Variants in MAPKAPK5 observed in about 807,000 individuals in gnomAD.
MAPKAPK5 encodes the protein MAPK activated protein kinase 5, also known as MAP kinase-activated protein kinase 5.
MAPKAPK5 carries 30 observed loss-of-function variants against 65.1 expected under a neutral mutation model. The ratio of observed to expected loss-of-function variants is 0.46; its 90% CI spans 0.34 to 0.63. MAPKAPK5 has a LOEUF of 0.63. Ranked by LOEUF, MAPKAPK5 falls within the 20% of genes least tolerant of loss-of-function variation. The probability of loss-of-function intolerance (pLI) is 0.01; values close to 1 mark genes in which losing one functional copy is unlikely to be tolerated. For synonymous variants in MAPKAPK5, 179 were observed against 204.6 expected (o/e 0.87, Z 1.07); for missense variants, 433 against 581.4 (o/e 0.74, Z 2.63).
In MAPKAPK5 at chr12:111,885,993, C is replaced by T. The variant is rs1161223991; in HGVS notation, c.926C>T (p.Ala309Val). 8.7e-6 allele frequency: 14 copies of T among 1,613,790 alleles called. No individual in the cohort carries two copies. The highest frequency in any genetic ancestry group is 1.2e-5 in the Non-Finnish European group (14 of 1,179,878). Reference sequence around the variant, plus strand: ...CACCCCTGGCTCAATTCCACCGAGGCCCTGGATAATGTGCTGCCTTCTGCT... The same window carrying T: ...CACCCCTGGCTCAATTCCACCGAGGTCCTGGATAATGTGCTGCCTTCTGCT... ...LDHPWLNSTEALDNVLPSAQL... is the reference protein window; with the variant it reads ...LDHPWLNSTEVLDNVLPSAQL... Residue 309 changes from alanine to valine, a missense_variant, in exon 10 of 14, where the codon GCC (alanine) becomes GTC (valine). Ala to Val is a moderately conservative substitution (Grantham distance 64). Coordinates refer to ENST00000550735, the MANE Select transcript of MAPKAPK5 (RefSeq NM_003668.4).
intron 1 of MAPKAPK5, among the ~76,000 whole-genome samples, chr12:111,847,382 C>T (rs1201676935): frequency 6.6e-6 from 1 of 151,118 alleles, no homozygotes; most frequent in African/African-American, 2.4e-5. Context: ...GGTCAAATGG[C>T]TGTAAGTGGA....
chr12:111,847,273 G>A (rs774138862), intron 1 of MAPKAPK5, among the ~76,000 whole-genome samples: 6 of 151,694 alleles, frequency 4.0e-5, no homozygotes, highest in Non-Finnish European at 7.4e-5. Context: ...ACTTGAACAC[G>A]GGAGGTGGAA....
chr12:111,868,924 TGGG>T, intron 5 of MAPKAPK5, 63 bp downstream of exon 5: 1 of 1,225,720 alleles, frequency 8.2e-7, no homozygotes, highest in Non-Finnish European at 1.2e-6. Flanking sequence ...ACAATTTCAT[TGGG>T]GGGAAGAAAA....
At chr12:111,850,630 A>G (rs1165165022) in intron 1 of MAPKAPK5, among the ~76,000 whole-genome samples, 1 of 152,186 alleles carries the variant, frequency 6.6e-6, no homozygotes, top group Non-Finnish European at 1.5e-5. Flanking sequence ...ATCTGCTTGA[A>G]TGGGTTTTTA....
intron 7 of MAPKAPK5, among the ~76,000 whole-genome samples, chr12:111,878,847 G>T (rs2070090380): frequency 6.6e-6 from 1 of 152,086 alleles, no homozygotes; most frequent in Admixed American, 6.6e-5. Flanking sequence ...TTTATTTTTG[G>T]ACTCTTTATT....
chr12:111,875,514 T>G (rs2069934723), intron 7 of MAPKAPK5, among the ~76,000 whole-genome samples: 1 of 152,178 alleles, frequency 6.6e-6, no homozygotes. Flanking sequence ...AATAGATTGC[T>G]GTCAGTTACT....
At chr12:111,874,113 A>G (rs1466710820) in intron 7 of MAPKAPK5, among the ~76,000 whole-genome samples, 1 of 152,156 alleles carries the variant, frequency 6.6e-6, no homozygotes, top group African/African-American at 2.4e-5. Context: ...AAAACATTTC[A>G]GCTGGGCGTG....
intron 7 of MAPKAPK5, 55 bp downstream of exon 7, chr12:111,871,235 G>A (rs559498841): frequency 2.1e-5 from 30 of 1,435,482 alleles, no homozygotes; most frequent in African/African-American, 1.3e-4. Context: ...CCATCAACTC[G>A]TGTTCCTTCT....
In MAPKAPK5 at chr12:111,894,508, G is replaced by A. The variant is rs1221281196; in HGVS notation, c.*1447G>A. 1.3e-5 allele frequency: 2 copies of A among 151,740 alleles called. No individual in the cohort carries two copies. Among genetic ancestry groups the A allele is most frequent in the African/African-American group, 2.4e-5 (1 of 41,272 alleles). 9.4% of individuals were successfully genotyped at this position (151,740 alleles called of 1,614,324 possible). A position where few individuals can be genotyped will look rare whatever the true frequency, so the allele number is the denominator to read the frequency against. ...AAATTTACATATAATTAATTGAAGT[G>A]GGACTATTGGATTATCATGTAAGAT... On this transcript the variant is annotated 3_prime_UTR_variant, in exon 14 of 14. Transcript: ENST00000550735.
intron 8 of MAPKAPK5, among the ~76,000 whole-genome samples, chr12:111,881,508 A>C (rs2070227569): frequency 6.7e-6 from 1 of 149,120 alleles, no homozygotes; most frequent in Non-Finnish European, 1.5e-5. Flanking sequence ...GGGTTCAAGC[A>C]ATTCTCTTGC....
At chr12:111,844,649 C>T (rs923974124) in intron 1 of MAPKAPK5, among the ~76,000 whole-genome samples, 9 of 152,190 alleles carry the variant, frequency 5.9e-5, no homozygotes, top group African/African-American at 2.2e-4. Context: ...CCTAGATGTC[C>T]CTACTGTCAT....
At chr12:111,874,875 A>C (rs2069911519) in intron 7 of MAPKAPK5, among the ~76,000 whole-genome samples, 1 of 149,850 alleles carries the variant, frequency 6.7e-6, no homozygotes, top group Non-Finnish European at 1.5e-5. Flanking sequence ...CCCAGGTTCA[A>C]GCGATTCTCC....
chr12:111,877,297 G>GCA (rs1428559753), intron 7 of MAPKAPK5, among the ~76,000 whole-genome samples: 2 of 151,642 alleles, frequency 1.3e-5, no homozygotes, highest in Non-Finnish European at 2.9e-5. Context: ...GGGATTACAG[G>GCA]TGTGAGCCAC....
intron 10 of MAPKAPK5, chr12:111,888,050 T>TCATGTGGCCTCAGCCTTGGC (rs1426468429): frequency 5.8e-6 from 1 of 172,838 alleles, no homozygotes. Flanking sequence ...GTGGCCTCGG[T>TCATGTGGCCTCAGCCTTGGC]CATGTGGCCT....
rs2071087145 is a variant in MAPKAPK5, at chr12:111,902,097, A to G, written c.*9036A>G. The G allele has an allele frequency of 6.6e-6, 1 of 152,282 alleles. No homozygotes were observed. The highest frequency in any genetic ancestry group is 1.5e-5 in the Non-Finnish European group (1 of 68,120). The allele number at this position is 152,282 out of a possible 1,614,324, so 9.4% of individuals were successfully genotyped here. A position where few individuals can be genotyped will look rare whatever the true frequency, so the allele number is the denominator to read the frequency against. On this transcript the variant is annotated 3_prime_UTR_variant, in exon 14 of 14. Transcript: ENST00000550735. ...TCTGGGATTTTCATTTTAAGTAACA[A>G]CTACCTATTATGTGAGGACAGTTGT...
chr12:111,858,566 C>T (rs1466923309), intron 1 of MAPKAPK5, among the ~76,000 whole-genome samples: 10 of 110,974 alleles, frequency 9.0e-5, no homozygotes, highest in African/African-American at 1.9e-4. Context: ...TTTTCCAAAA[C>T]GGAGTCTTGC....
At chr12:111,865,834 CA>C (rs1157723498) in intron 2 of MAPKAPK5, among the ~76,000 whole-genome samples, 6,928 of 57,458 alleles carry the variant, frequency 0.12, 96 homozygotes, top group Middle Eastern at 0.18. Flanking sequence ...GATTCTGTCT[CA>C]AAAAAAAAAA....
rs1469290913 is a variant in MAPKAPK5 at position 111,896,315 on chromosome 12, T to TGTAA, written c.*3257_*3260dup. 6.6e-6 allele frequency: 1 copy of TGTAA among 152,164 alleles called. No homozygotes were observed. The highest frequency in any genetic ancestry group is 1.9e-4 in the East Asian group (1 of 5,196). The allele number at this position is 152,164 out of a possible 1,614,324, so 9.4% of individuals were successfully genotyped here. On this transcript the variant is annotated 3_prime_UTR_variant, in exon 14 of 14. Transcript: ENST00000550735. ...CTTCAAGCTGAATTCATGCCCTCAA[T>TGTAA]GTAAGTGCTGTGTCCAGACACATCC...
chr12:111,865,897 T>C (rs2069589808), intron 2 of MAPKAPK5, among the ~76,000 whole-genome samples: 1 of 148,168 alleles, frequency 6.7e-6, no homozygotes, highest in Non-Finnish European at 1.5e-5. Context: ...GAGTCACCTA[T>C]AGCCAGCTGA....
Sources: allele counts gnomAD v4.1 joint callset (sites outside exome capture counted in the v4.1 genomes callset), GRCh38; gene constraint gnomAD v4.1.1; transcripts MANE v1.5; gene names NCBI Gene and HGNC (gene_info 2026-07-23, HGNC 2026-07-21).